Variants in MARCHF3 observed in about 807,000 individuals in gnomAD.
The protein encoded by MARCHF3 is E3 ubiquitin-protein ligase MARCHF3.
Under a neutral mutation model 24.2 loss-of-function variants are expected in MARCHF3, and 13 were observed. The observed-to-expected ratio is 0.54, with a 90% CI of 0.35 to 0.85. MARCHF3 has a LOEUF of 0.85. Ranked by LOEUF, MARCHF3 falls within the 40% of genes least tolerant of loss-of-function variation. The probability of loss-of-function intolerance (pLI) is 0.01; values close to 1 mark genes in which losing one functional copy is unlikely to be tolerated. For missense variants in MARCHF3, 276 were observed against 325.0 expected, an observed-to-expected ratio of 0.85 and a Z score of 1.16; for synonymous variants, 144 against 137.3, an observed-to-expected ratio of 1.05 and a Z score of -0.34.
intron 1 of MARCHF3, among the ~76,000 whole-genome samples, chr5:126,960,429 T>C (rs1750600747): frequency 6.6e-6 from 1 of 152,140 alleles, no homozygotes; most frequent in South Asian, 2.1e-4. Context: ...AATTTGAAAA[T>C]AATGACAGTT....
intron 3 of MARCHF3, among the ~76,000 whole-genome samples, chr5:126,883,180 C>T (rs543427334): frequency 6.6e-6 from 1 of 152,142 alleles, no homozygotes; most frequent in Non-Finnish European, 1.5e-5. Context: ...TAAGTTTGAC[C>T]TTAGTCTTCA....
At chr5:126,967,223 A>C (rs1289715376) in intron 1 of MARCHF3, among the ~76,000 whole-genome samples, 1 of 151,870 alleles carries the variant, frequency 6.6e-6, no homozygotes. Flanking sequence ...AAAAGAATCA[A>C]CTGGAAAATT....
intron 4 of MARCHF3, among the ~76,000 whole-genome samples, chr5:126,872,008 G>A (rs1401230632): frequency 2.7e-5 from 4 of 150,696 alleles, no homozygotes; most frequent in African/African-American, 9.8e-5. Context: ...ACTGTGTCCT[G>A]CCAAACCTCT....
chr5:126,935,116 T>A (rs1352740433), intron 1 of MARCHF3, among the ~76,000 whole-genome samples: 1 of 152,182 alleles, frequency 6.6e-6, no homozygotes, highest in Non-Finnish European at 1.5e-5. Context: ...GTGGTATAGG[T>A]GTGATGGCTA....
chr5:126,945,374 C>T (rs538660220), intron 1 of MARCHF3, among the ~76,000 whole-genome samples: 29 of 152,264 alleles, frequency 1.9e-4, no homozygotes, highest in Admixed American at 1.5e-3. Flanking sequence ...GGAACCTGGG[C>T]GCATATAGGG....
intron 1 of MARCHF3, among the ~76,000 whole-genome samples, chr5:127,006,662 T>C (rs1752320766): frequency 6.6e-6 from 1 of 152,196 alleles, no homozygotes; most frequent in South Asian, 2.1e-4. Flanking sequence ...GAAAGATGAA[T>C]ATAACTATCT....
At chr5:126,988,851 C>A (rs1285451518) in intron 1 of MARCHF3, among the ~76,000 whole-genome samples, 1 of 152,070 alleles carries the variant, frequency 6.6e-6, no homozygotes, top group African/African-American at 2.4e-5. Flanking sequence ...TCATTATAAG[C>A]ATTTCTGTGC....
At chr5:126,884,848 AG>A (rs1397720049) in intron 3 of MARCHF3, among the ~76,000 whole-genome samples, 1 of 152,174 alleles carries the variant, frequency 6.6e-6, no homozygotes, top group Non-Finnish European at 1.5e-5. Context: ...AACAATAGTC[AG>A]GGTGAGCGTC....
At chr5:126,875,078 AC>A (rs1753103329) in intron 4 of MARCHF3, among the ~76,000 whole-genome samples, 1 of 152,172 alleles carries the variant, frequency 6.6e-6, no homozygotes, top group Admixed American at 6.5e-5. Context: ...TGGGGCTGAT[AC>A]CAAGTCCATT....
chr5:126,924,507 C>T (rs367790142), intron 1 of MARCHF3, among the ~76,000 whole-genome samples: 2 of 152,110 alleles, frequency 1.3e-5, no homozygotes, highest in Admixed American at 6.5e-5. Flanking sequence ...ATAGGGATGC[C>T]GCTCTTTGAT....
intron 3 of MARCHF3, among the ~76,000 whole-genome samples, chr5:126,903,397 C>T (rs1263163118): frequency 6.6e-6 from 1 of 152,092 alleles, no homozygotes; most frequent in African/African-American, 2.4e-5. Context: ...AACTACCTTA[C>T]TCACTAGGCT....
intron 1 of MARCHF3, among the ~76,000 whole-genome samples, chr5:127,002,076 T>C (rs928240385): frequency 1.3e-5 from 2 of 152,092 alleles, no homozygotes; most frequent in African/African-American, 4.8e-5. Flanking sequence ...ATGAACTGAG[T>C]AGACTTAGTG....
chr5:126,974,058 C>T (rs993140018), intron 1 of MARCHF3, among the ~76,000 whole-genome samples: 3 of 151,366 alleles, frequency 2.0e-5, no homozygotes, highest in Admixed American at 6.6e-5. Flanking sequence ...CCACCGCGCC[C>T]GGCTAATTTT....
At chr5:126,917,836 C>A (rs920137013) in intron 2 of MARCHF3, 148 bp downstream of exon 2, 16 of 755,186 alleles carry the variant, frequency 2.1e-5, no homozygotes, top group African/African-American at 3.6e-5. Flanking sequence ...AATAACAGAA[C>A]TCGTGTAGTC....
chr5:126,941,432 C>T lies in MARCHF3; in HGVS notation c.-56-23205G>A, dbSNP rs1025656169. Among the ~76,000 whole-genome samples, 5 of 144,612 alleles carry T rather than the reference C, an allele frequency of 3.5e-5. No individual in the cohort carries two copies. The East Asian group carries it at 1.0e-3, about 30-fold the overall frequency. 94.9% of individuals were successfully genotyped at this position (144,612 alleles called of 152,430 possible). A position where few individuals can be genotyped will look rare whatever the true frequency, so the allele number is the denominator to read the frequency against. On this transcript the variant is annotated intron_variant, in intron 1 of 4. Coordinates refer to ENST00000308660, the MANE Select transcript of MARCHF3 (RefSeq NM_178450.5). ...GAGGAAAATCTTGACACCATCCATC[C>T]AACAATGAGGTGTGATAAATAGAAA...
chr5:126,881,882 G>A (rs1281529291), intron 3 of MARCHF3, among the ~76,000 whole-genome samples: 1 of 152,176 alleles, frequency 6.6e-6, no homozygotes, highest in Non-Finnish European at 1.5e-5. Context: ...CAGAGTGAGA[G>A]AGAGGGACAG....
chr5:126,879,290 CATAAGT>C (rs777426239), intron 3 of MARCHF3, among the ~76,000 whole-genome samples: 11 of 152,166 alleles, frequency 7.2e-5, no homozygotes, highest in Non-Finnish European at 1.0e-4. Flanking sequence ...AAACCATAAC[CATAAGT>C]ATAACAGTTT....
chr5:126,999,274 CT>C (rs903767558), intron 1 of MARCHF3, among the ~76,000 whole-genome samples: 1 of 152,088 alleles, frequency 6.6e-6, no homozygotes, highest in African/African-American at 2.4e-5. Flanking sequence ...AGATGGCAGA[CT>C]TTTTTTTCTT....
chr5:126,903,426 G>A (rs946445595), intron 3 of MARCHF3, among the ~76,000 whole-genome samples: 5 of 152,056 alleles, frequency 3.3e-5, no homozygotes, highest in African/African-American at 9.7e-5. Flanking sequence ...GGGTTAGAAT[G>A]AACAAAGGGG....
Sources: gnomAD v4.1 joint callset for allele counts (sites outside exome capture counted in the v4.1 genomes callset) on GRCh38, gnomAD v4.1.1 for gene constraint, MANE v1.5 for transcripts, NCBI Gene and HGNC (gene_info 2026-07-23, HGNC 2026-07-21) for gene names.